USP49: variants seen among roughly 807,000 people sequenced by gnomAD.
The protein encoded by USP49 is ubiquitin carboxyl-terminal hydrolase 49.
Under a neutral mutation model 58.6 loss-of-function variants are expected in USP49, and 24 were observed. The ratio of observed to expected loss-of-function variants is 0.41; its 90% CI spans 0.30 to 0.58. The LOEUF (loss-of-function observed/expected upper bound fraction) is 0.58. Ranked by LOEUF, USP49 falls within the 20% of genes least tolerant of loss-of-function variation. The probability of loss-of-function intolerance (pLI) is 0.30; values close to 1 mark genes in which losing one functional copy is unlikely to be tolerated. For synonymous variants in USP49, 408 were observed against 365.1 expected (o/e 1.12, Z -1.34); for missense variants, 703 against 866.1 (o/e 0.81, Z 2.36).
At chr6:41,847,520 C>A (rs145200235) in intron 3 of USP49, among the ~76,000 whole-genome samples, 111 of 152,224 alleles carry the variant, frequency 7.3e-4, no homozygotes, top group Non-Finnish European at 7.4e-4. Flanking sequence ...TTGAGACCAT[C>A]CTGGCCAAAA....
At chr6:41,836,846 GACACACACACGCAC>G (rs1165617361) in intron 3 of USP49, among the ~76,000 whole-genome samples, 3 of 150,262 alleles carry the variant, frequency 2.0e-5, no homozygotes, top group Non-Finnish European at 3.0e-5. Flanking sequence ...ATTCAGAACA[GACACACACACGCAC>G]ACACACACAC....
chr6:41,833,104 C>G (rs1225239775), intron 3 of USP49: 2 of 151,698 alleles, frequency 1.3e-5, no homozygotes, highest in African/African-American at 4.8e-5. Flanking sequence ...GCAACCTCCA[C>G]CTCCCAGGTT....
intron 3 of USP49, among the ~76,000 whole-genome samples, chr6:41,862,527 A>T (rs1774241243): frequency 6.6e-6 from 1 of 152,232 alleles, no homozygotes; most frequent in South Asian, 2.1e-4. Flanking sequence ...TTCTAATGAA[A>T]TCAGAGTACA....
chr6:41,806,739 T>C lies in USP49; in HGVS notation c.245A>G (p.Tyr82Cys). The C allele has an allele frequency of 6.2e-7, 1 of 1,614,266 alleles. No individual in the cohort carries two copies. The highest frequency in any genetic ancestry group is 2.2e-5 in the East Asian group (1 of 44,892). The change falls in exon 4 of 8, where the codon TAC becomes TGC. Residue 82 changes from tyrosine to cysteine, a missense_variant. By Grantham distance (194) the Tyr-to-Cys change is radical (BLOSUM62 -2). Coordinates refer to ENST00000682992, the MANE Select transcript of USP49 (RefSeq NM_001286554.2). The surrounding 1 kb of genome is among the most constrained non-coding windows in gnomAD (Gnocchi z 5.9). ...LYVFCYLCKD[Y>C]VLNDNPEGDL... ...CCCCTCTGGGTTATCATTGAGCACG[T>C]AGTCCTTGCACAGGTAACAGAACAC... is the stretch of plus-strand genomic sequence containing the variant.
At chr6:41,867,890 A>G (rs927691037) in intron 3 of USP49, among the ~76,000 whole-genome samples, 17 of 152,358 alleles carry the variant, frequency 1.1e-4, no homozygotes, top group African/African-American at 4.1e-4. Context: ...GTCAAGAAAA[A>G]TAATTATTTA....
chr6:41,798,456 A>C (rs1456493630), intron 7 of USP49: 1 of 840,864 alleles, frequency 1.2e-6, no homozygotes, highest in Non-Finnish European at 1.7e-6. Context: ...GTACTATTTT[A>C]GTAGAGACGG....
chr6:41,833,775 A>G (rs1773677060), intron 3 of USP49, among the ~76,000 whole-genome samples: 1 of 152,216 alleles, frequency 6.6e-6, no homozygotes, highest in Admixed American at 6.5e-5. Flanking sequence ...GGACCCTAGA[A>G]AGGGCCAAAT....
intron 3 of USP49, among the ~76,000 whole-genome samples, chr6:41,850,458 A>T (rs148541630): frequency 0.029 from 4,339 of 151,148 alleles, 171 homozygotes; most frequent in African/African-American, 0.086. Flanking sequence ...AAAGAAAAAA[A>T]AAAAAAATAA....
chr6:41,797,735 C>A, intron 7 of USP49: 4 of 985,806 alleles, frequency 4.1e-6, no homozygotes, highest in Non-Finnish European at 4.8e-6. Context: ...TTCTGCATAA[C>A]CAAGAAGGAA....
chr6:41,797,597 C>T, intron 7 of USP49: 1 of 984,846 alleles, frequency 1.0e-6, no homozygotes. Context: ...CTTGCATCCC[C>T]ACACTTCCCA....
At chr6:41,797,969 G>A in intron 7 of USP49, 1 of 293,406 alleles carries the variant, frequency 3.4e-6, no homozygotes. Flanking sequence ...CTGGGCTTGA[G>A]CAATTCTCCC....
At chr6:41,863,452 G>A (rs575445285) in intron 3 of USP49, among the ~76,000 whole-genome samples, 2 of 152,178 alleles carry the variant, frequency 1.3e-5, no homozygotes, top group East Asian at 1.9e-4. Context: ...GGATCTTGAC[G>A]CCTCCGATCT....
chr6:41,862,232 A>G (rs34073739), intron 3 of USP49, among the ~76,000 whole-genome samples: 28,162 of 152,148 alleles, frequency 0.19, 3,178 homozygotes, highest in East Asian at 0.29. Flanking sequence ...TAAATTTTGG[A>G]TAGAGATCAT....
chr6:41,891,050 C>T (rs1774803310), intron 2 of USP49, among the ~76,000 whole-genome samples: 1 of 152,154 alleles, frequency 6.6e-6, no homozygotes, highest in Admixed American at 6.6e-5. Context: ...ACGGTGTTTA[C>T]CCCAGGTTCC....
At chr6:41,851,003 A>G (rs374392198) in intron 3 of USP49, among the ~76,000 whole-genome samples, 4 of 152,216 alleles carry the variant, frequency 2.6e-5, no homozygotes, top group Non-Finnish European at 5.9e-5. Flanking sequence ...CAGTAACCAA[A>G]AAACTGCCAA....
At chr6:41,875,089 T>C (rs1041146410) in intron 2 of USP49, among the ~76,000 whole-genome samples, 2 of 152,144 alleles carry the variant, frequency 1.3e-5, no homozygotes, top group Non-Finnish European at 2.9e-5. Flanking sequence ...CTAATATTAA[T>C]GTAGTAAGGT....
intron 7 of USP49, 124 bp from the exon 8 acceptor site, chr6:41,796,847 G>C (rs1772894548): frequency 1.6e-6 from 1 of 616,108 alleles, no homozygotes; most frequent in East Asian, 2.7e-5. Context: ...CTCGATTATT[G>C]GTGGGGAAGG....
At chr6:41,894,991 C>G (rs1380803952) in intron 1 of USP49, among the ~76,000 whole-genome samples, 1 of 150,452 alleles carries the variant, frequency 6.6e-6, no homozygotes, top group Non-Finnish European at 1.5e-5. Flanking sequence ...CAAAATAAGG[C>G]GCCCGCGCGC....
chr6:41,871,474 C>T (rs577975175), intron 3 of USP49, 90 bp downstream of exon 3: 2 of 152,246 alleles, frequency 1.3e-5, no homozygotes, highest in South Asian at 2.1e-4. Flanking sequence ...GATCAATTAC[C>T]CTCATAGTAT....
Sources: gnomAD v4.1 joint callset for allele counts (sites outside exome capture counted in the v4.1 genomes callset) on GRCh38, gnomAD v4.1.1 for gene constraint, Gnocchi (gnomAD v3.1) non-coding constraint, MANE v1.5 for transcripts, NCBI Gene and HGNC (gene_info 2026-07-23, HGNC 2026-07-21) for gene names.